TSPO: variants seen among roughly 807,000 people sequenced by gnomAD.
TSPO encodes the protein translocator protein, also known as benzodiazepine peripheral binding site.
TSPO carries 14 observed loss-of-function variants against 13.9 expected under a neutral mutation model. The observed-to-expected ratio is 1.01, with a 90% CI of 0.67 to 1.58. The LOEUF is 1.58. Ranked by LOEUF, TSPO falls within the 40% of genes most tolerant of loss-of-function variation. TSPO has a pLI of 0.00. For synonymous variants in TSPO, 114 were observed against 105.9 expected (o/e 1.08, Z -0.47); for missense variants, 232 against 229.6 (o/e 1.01, Z -0.07).
intron 1 of TSPO, among the ~76,000 whole-genome samples, chr22:43,153,659 T>G (rs1325283760): frequency 6.7e-6 from 1 of 149,592 alleles, no homozygotes; most frequent in African/African-American, 2.4e-5. Context: ...CTTATTTGTG[T>G]TTTCTTTACT....
rs374418213 is a variant in TSPO, at chr22:43,154,907, G to A, written c.-30+3303G>A. Among the ~76,000 whole-genome samples the A allele has an allele frequency of 5.5e-4, 84 of 152,216 alleles. 1 individual carries two copies. The highest frequency in any genetic ancestry group is 1.8e-3 in the African/African-American group (76 of 41,522). On this transcript the variant is annotated intron_variant, in intron 1 of 3. Transcript: ENST00000337554. ...TCTGTGGGGGCTGGGATGTTGCCGCGGCAGGTGGAGAGAGTGATGCTACTG... is the reference window on the plus strand; with the variant it reads ...TCTGTGGGGGCTGGGATGTTGCCGCAGCAGGTGGAGAGAGTGATGCTACTG...
chr22:43,157,226 A>C (rs1476957584), intron 1 of TSPO, among the ~76,000 whole-genome samples: 2 of 142,120 alleles, frequency 1.4e-5, no homozygotes, highest in Admixed American at 6.8e-5. Context: ...TAGTGACATC[A>C]GACCCCCATC....
In TSPO at chr22:43,163,083, G is replaced by T; in HGVS notation, c.*92G>T. The T allele has an allele frequency of 6.5e-7, 1 of 1,539,012 alleles. No individual in the cohort carries two copies. Among genetic ancestry groups the T allele is most frequent in the Non-Finnish European group, 8.8e-7 (1 of 1,142,150 alleles). ...TCACGCTTTCATGACCACTGGGCCT[G>T]CTAGTCTGTCAGGGCCTTGGCCCAG... On this transcript the variant is annotated 3_prime_UTR_variant, in exon 4 of 4. Transcript: ENST00000337554.
intron 1 of TSPO, among the ~76,000 whole-genome samples, chr22:43,154,240 C>T (rs9333318): frequency 1.4e-4 from 22 of 151,898 alleles, no homozygotes; most frequent in Admixed American, 1.3e-3. Flanking sequence ...GTGCTGGCTT[C>T]GTTGGAGAGA....
At chr22:43,157,275 C>T (rs1383514626) in intron 1 of TSPO, among the ~76,000 whole-genome samples, 2 of 44,792 alleles carry the variant, frequency 4.5e-5, no homozygotes, top group Non-Finnish European at 1.0e-4. Flanking sequence ...AGCTGGAGGG[C>T]GGGGCAGGAG....
chr22:43,155,293 G>C (rs2147051453), intron 1 of TSPO, among the ~76,000 whole-genome samples: 1 of 152,314 alleles, frequency 6.6e-6, no homozygotes, highest in South Asian at 2.1e-4. Context: ...GACTGAACAA[G>C]GCGGTGACCG....
chr22:43,159,522 A>G, intron 2 of TSPO, 102 bp downstream of exon 2: 1 of 1,226,528 alleles, frequency 8.2e-7, no homozygotes. Context: ...GGACCATGGC[A>G]TGGTTTCCCC....
intron 1 of TSPO, among the ~76,000 whole-genome samples, chr22:43,155,832 T>C (rs548365996): frequency 4.5e-4 from 68 of 152,318 alleles, no homozygotes; most frequent in African/African-American, 1.6e-3. Context: ...CTGAGTCCTG[T>C]CCCTGCCATG....
In TSPO at chr22:43,158,800, G is replaced by A. The variant is rs561337851; in HGVS notation, c.-29-410G>A. Among the ~76,000 whole-genome samples, 136 of 147,682 alleles carry A rather than the reference G, an allele frequency of 9.2e-4. No homozygotes were observed. The Middle Eastern group carries it at 0.02, about 22-fold the overall frequency. Reference sequence around the variant, plus strand: ...TAGACCCAAACTCTGTCTGATACCAGTCACCAAATGAATGAGTGAGTGAGT... The same window carrying A: ...TAGACCCAAACTCTGTCTGATACCAATCACCAAATGAATGAGTGAGTGAGT... On this transcript the variant is annotated intron_variant, in intron 1 of 3. Coordinates refer to ENST00000337554, the MANE Select transcript of TSPO (RefSeq NM_000714.6).
At chr22:43,154,616 C>T (rs986611040) in intron 1 of TSPO, among the ~76,000 whole-genome samples, 4 of 152,020 alleles carry the variant, frequency 2.6e-5, no homozygotes, top group Non-Finnish European at 5.9e-5. Context: ...CCTCAGCCTC[C>T]CAAAGTGCTG....
At chr22:43,156,008 C>T (rs923114129) in intron 1 of TSPO, among the ~76,000 whole-genome samples, 6 of 152,210 alleles carry the variant, frequency 3.9e-5, no homozygotes, top group African/African-American at 1.4e-4. Flanking sequence ...CCCAGAGGCC[C>T]TAGGAAACTC....
chr22:43,152,928 G>C (rs541618537), intron 1 of TSPO, among the ~76,000 whole-genome samples: 1 of 138,266 alleles, frequency 7.2e-6, no homozygotes, highest in Non-Finnish European at 1.6e-5. Context: ...TATTCACAGC[G>C]GGTTCTCCAG....
At position 43,158,145 on chromosome 22, in the gene TSPO, C is replaced by A. The variant is rs1931313519; in HGVS notation, c.-29-1065C>A. On this transcript the variant is annotated intron_variant, in intron 1 of 3. Coordinates refer to ENST00000337554, the MANE Select transcript of TSPO (RefSeq NM_000714.6). ...GTTCAGCACAGTCTCTGCTGACACCCCTCTACCCCCGCTTGGCTGCCTCCA... is the reference window on the plus strand; with the variant it reads ...GTTCAGCACAGTCTCTGCTGACACCACTCTACCCCCGCTTGGCTGCCTCCA... Among the ~76,000 whole-genome samples, 2 of 152,180 alleles carry A rather than the reference C, an allele frequency of 1.3e-5. 1 individual carries two copies. The highest frequency in any genetic ancestry group is 4.1e-4 in the South Asian group (2 of 4,836).
intron 1 of TSPO, among the ~76,000 whole-genome samples, chr22:43,154,352 C>A (rs920553791): frequency 1.3e-5 from 2 of 150,800 alleles, no homozygotes; most frequent in Admixed American, 6.6e-5. Flanking sequence ...TTTTTGTTTG[C>A]TTTATTTATT....
intron 1 of TSPO, among the ~76,000 whole-genome samples, chr22:43,152,704 C>T (rs766754780): frequency 1.3e-5 from 2 of 152,252 alleles, no homozygotes; most frequent in African/African-American, 2.4e-5. Flanking sequence ...GAAACTGAGG[C>T]TTGCCAAAGA....
At chr22:43,158,684 G>A (rs1231574820) in intron 1 of TSPO, among the ~76,000 whole-genome samples, 8 of 152,206 alleles carry the variant, frequency 5.3e-5, no homozygotes, top group African/African-American at 1.7e-4. Context: ...AGGTAGGTGA[G>A]CATTGATATC....
At position 43,159,406 on chromosome 22, in the gene TSPO, C is replaced by T; in HGVS notation, c.168C>T (p.Leu56=). 6.5e-7 allele frequency: 1 copy of T among 1,529,416 alleles called. No homozygotes were observed. The highest frequency in any genetic ancestry group is 8.8e-7 in the Non-Finnish European group (1 of 1,138,880). The allele number at this position is 1,529,416 out of a possible 1,614,324, so 94.7% of individuals were successfully genotyped here. The part of the protein sequence containing the change: ...HWVLGPVWGT[L]YSAMGYGSYL... ...TGCTGGGCCCTGTCTGGGGCACGCT[C>T]TACTCAGCCATGGGGTAGGTGGGCG... Residue 56 remains leucine (L), a synonymous_variant, in exon 2 of 4, where the codon CTC becomes CTT. Coordinates refer to ENST00000337554, the MANE Select transcript of TSPO (RefSeq NM_000714.6).
intron 1 of TSPO, among the ~76,000 whole-genome samples, chr22:43,156,870 G>T (rs1009955493): frequency 6.6e-6 from 1 of 152,200 alleles, no homozygotes; most frequent in Non-Finnish European, 1.5e-5. Context: ...GGCCATTAGT[G>T]TGGGGCAGGT....
At chr22:43,160,440 C>T (rs977650215) in intron 2 of TSPO, among the ~76,000 whole-genome samples, 2 of 152,216 alleles carry the variant, frequency 1.3e-5, no homozygotes, top group African/African-American at 4.8e-5. Context: ...GGTGCTGATA[C>T]TGCCTGCCTT....
Sources: gnomAD v4.1 joint callset for allele counts (sites outside exome capture counted in the v4.1 genomes callset) on GRCh38, gnomAD v4.1.1 for gene constraint, MANE v1.5 for transcripts, NCBI Gene and HGNC (gene_info 2026-07-23, HGNC 2026-07-21) for gene names.